APBB2: variants seen among roughly 807,000 people sequenced by gnomAD.
The protein encoded by APBB2 is amyloid beta precursor protein binding family B member 2, also known as Fe65-like 1.
In APBB2, 38 loss-of-function variants were observed where a neutral mutation model predicts 82.5. That is an observed-to-expected ratio of 0.46 (90% CI 0.36 to 0.60). The LOEUF (loss-of-function observed/expected upper bound fraction) is 0.60, where lower values mean the gene tolerates loss of function less well. Among genes scored for constraint, APBB2 ranks in the 20% least tolerant of loss-of-function variants. The pLI is 0.00. For synonymous variants in APBB2, 341 were observed against 368.2 expected (o/e 0.93, Z 0.85); for missense variants, 772 against 972.3 (o/e 0.79, Z 2.74).
chr4:41,073,774 TAAC>T (rs1302905089), intron 3 of APBB2, among the ~76,000 whole-genome samples: 3 of 151,914 alleles, frequency 2.0e-5, no homozygotes, highest in African/African-American at 7.3e-5. Context: ...GAAAAATAAT[TAAC>T]AACAACAACA....
chr4:41,152,501 T>G (rs1190625513), intron 1 of APBB2, among the ~76,000 whole-genome samples: 4 of 152,120 alleles, frequency 2.6e-5, no homozygotes, highest in Admixed American at 6.5e-5. Flanking sequence ...TAATTTTTTT[T>G]GTATTTTTAG....
intron 6 of APBB2, among the ~76,000 whole-genome samples, chr4:41,011,845 C>T (rs1188567188): frequency 6.6e-6 from 1 of 152,066 alleles, no homozygotes; most frequent in Non-Finnish European, 1.5e-5. Flanking sequence ...GAAGAGGCAG[C>T]TTAATTATTC....
In APBB2 at chr4:41,032,877, C is replaced by T. The variant is rs973238426; in HGVS notation, c.19+359G>A. ...TCGACTCACTGCAAGCTCCGCCTCC[C>T]GGGTTCACGCCATTCTCCTGCCTCA... On this transcript the variant is annotated intron_variant, in intron 5 of 17. Transcript: ENST00000508593. Among the ~76,000 whole-genome samples, 76 of 145,060 alleles carry T rather than the reference C, an allele frequency of 5.2e-4. 1 individual carries two copies. Among genetic ancestry groups the T allele is most frequent in the African/African-American group, 1.8e-3 (73 of 39,970 alleles).
chr4:41,093,575 C>T (rs1036020669), intron 3 of APBB2, among the ~76,000 whole-genome samples: 1 of 152,074 alleles, frequency 6.6e-6, no homozygotes, highest in Non-Finnish European at 1.5e-5. Context: ...TAAGAAGGGC[C>T]GGGCGCGGTG....
intron 6 of APBB2, among the ~76,000 whole-genome samples, chr4:40,998,695 A>G (rs1804308791): frequency 6.6e-6 from 1 of 152,174 alleles, no homozygotes; most frequent in African/African-American, 2.4e-5. Flanking sequence ...ACATAAAACA[A>G]CATCACTTTA....
chr4:41,203,191 A>T (rs941597680), intron 1 of APBB2, among the ~76,000 whole-genome samples: 2 of 137,584 alleles, frequency 1.5e-5, no homozygotes, highest in Admixed American at 7.8e-5. Flanking sequence ...TGCAGCTTGT[A>T]AAAAAAAGAT....
intron 6 of APBB2, among the ~76,000 whole-genome samples, chr4:40,968,135 G>A (rs1795107348): frequency 6.6e-6 from 1 of 152,176 alleles, no homozygotes; most frequent in Non-Finnish European, 1.5e-5. Context: ...GCCCTTTAAG[G>A]TTGGTGTCAT....
intron 3 of APBB2, among the ~76,000 whole-genome samples, chr4:41,085,315 T>C (rs1739263291): frequency 1.3e-5 from 2 of 151,140 alleles, no homozygotes; most frequent in South Asian, 4.2e-4. Flanking sequence ...GGTCACTCAC[T>C]GAATTACAAT....
At chr4:41,047,148 G>A (rs889929179) in intron 4 of APBB2, among the ~76,000 whole-genome samples, 3 of 152,192 alleles carry the variant, frequency 2.0e-5, no homozygotes, top group African/African-American at 7.2e-5. Context: ...AAAAACTGGA[G>A]TAAGGGGAAT....
chr4:41,030,704 G>GA (rs970016588), intron 5 of APBB2, among the ~76,000 whole-genome samples: 1 of 151,292 alleles, frequency 6.6e-6, no homozygotes, highest in Non-Finnish European at 1.5e-5. Context: ...TGGTTTAGGT[G>GA]AAAAAAAAGT....
rs911193967 is a variant in APBB2, at chr4:40,815,438, T to G, written c.*654A>C. ...CTCGAATTTAGTTTTTCATCAATTTTGAAGTTTCATTTTTTTCCAACATCC... is the reference window on the plus strand; with the variant it reads ...CTCGAATTTAGTTTTTCATCAATTTGGAAGTTTCATTTTTTTCCAACATCC... On this transcript the variant is annotated 3_prime_UTR_variant, in exon 18 of 18. Transcript: ENST00000508593. 6.6e-6 allele frequency: 1 copy of G among 152,572 alleles called. No individual in the cohort carries two copies. The highest frequency in any genetic ancestry group is 1.5e-5 in the Non-Finnish European group (1 of 68,044). The allele number at this position is 152,572 out of a possible 1,614,324, so 9.5% of individuals were successfully genotyped here. A position where few individuals can be genotyped will look rare whatever the true frequency, so the allele number is the denominator to read the frequency against.
At chr4:41,087,912 G>A (rs1251857286) in intron 3 of APBB2, among the ~76,000 whole-genome samples, 1 of 152,196 alleles carries the variant, frequency 6.6e-6, no homozygotes, top group Non-Finnish European at 1.5e-5. Flanking sequence ...TGGGGGGATA[G>A]CCTTTTCCAG....
At chr4:41,138,234 A>G (rs1758135930) in intron 2 of APBB2, 1 of 152,222 alleles carries the variant, frequency 6.6e-6, no homozygotes, top group African/African-American at 2.4e-5. Flanking sequence ...TTAGCCAGCC[A>G]AAGAGTTTTT....
chr4:40,868,301 C>T (rs543662813), intron 12 of APBB2, among the ~76,000 whole-genome samples: 1 of 152,348 alleles, frequency 6.6e-6, no homozygotes, highest in East Asian at 1.9e-4. Flanking sequence ...GAAAAAGACC[C>T]ACAGTGGATT....
intron 10 of APBB2, among the ~76,000 whole-genome samples, chr4:40,898,270 T>C (rs1037903882): frequency 4.6e-5 from 7 of 152,198 alleles, no homozygotes; most frequent in Admixed American, 1.3e-4. Flanking sequence ...TTTTTGTTTG[T>C]TTATTATTTT....
At chr4:40,935,513 T>C (rs1785172203) in intron 7 of APBB2, 1 of 168,850 alleles carries the variant, frequency 5.9e-6, no homozygotes, top group South Asian at 1.7e-4. Context: ...AACAGAACTG[T>C]TTTCTGGTGG....
Position 41,198,317 on chromosome 4 carries a change from C to T in APBB2, c.-417+16088G>A. Among the ~76,000 whole-genome samples the T allele has an allele frequency of 4.6e-5, 7 of 152,272 alleles. No individual in the cohort carries two copies. The South Asian group carries it at 1.5e-3, about 32-fold the overall frequency. On this transcript the variant is annotated intron_variant, in intron 1 of 17. Coordinates refer to ENST00000508593, the MANE Select transcript of APBB2 (RefSeq NM_004307.2). ...AAGCAGGGATCCTGTCTGCCTGGGC[C>T]AACATGTACACTTACTGGCTAGCAT...
At chr4:40,924,606 T>C (rs772526840) in intron 10 of APBB2, among the ~76,000 whole-genome samples, 2 of 152,044 alleles carry the variant, frequency 1.3e-5, no homozygotes, top group Non-Finnish European at 2.9e-5. Context: ...CCAAGCCACA[T>C]GGAGAGGCCC....
intron 4 of APBB2, among the ~76,000 whole-genome samples, chr4:41,041,250 A>G (rs1721385698): frequency 6.6e-6 from 1 of 152,170 alleles, no homozygotes. Flanking sequence ...ATTCAATAAC[A>G]GTCAACTATT....
Sources: gnomAD v4.1 joint callset for allele counts (sites outside exome capture counted in the v4.1 genomes callset) on GRCh38, gnomAD v4.1.1 for gene constraint, MANE v1.5 for transcripts, NCBI Gene and HGNC (gene_info 2026-07-23, HGNC 2026-07-21) for gene names.